The following EMC3 variants were observed in gnomAD, a reference collection of about 807,000 sequenced individuals.
EMC3 encodes the protein 30 kDa protein.
EMC3 carries 13 observed loss-of-function variants against 36.6 expected under a neutral mutation model. The ratio of observed to expected loss-of-function variants is 0.35; its 90% CI spans 0.23 to 0.56. The LOEUF is 0.56. EMC3 is among the 20% of genes least tolerant of loss of function. The pLI, the probability that EMC3 is intolerant of heterozygous loss-of-function variation, is 0.84. For synonymous variants in EMC3, 120 were observed against 111.9 expected, an observed-to-expected ratio of 1.07 and a Z score of -0.46; for missense variants, 220 against 324.5, an observed-to-expected ratio of 0.68 and a Z score of 2.47.
At position 9,986,709 on chromosome 3, in the gene EMC3, T is replaced by C. The variant is rs373153918; in HGVS notation, c.-48A>G. 28 of 1,607,404 alleles carry C rather than the reference T, an allele frequency of 1.7e-5. No homozygotes were observed. The African/African-American group carries it at 3.3e-4, about 19-fold the overall frequency. On this transcript the variant is annotated 5_prime_UTR_variant, in exon 1 of 8. Coordinates refer to ENST00000245046, the MANE Select transcript of EMC3 (RefSeq NM_001394674.1). ...GTCTGGAATGGGCGAGCTTCTCTTCTCCGGGGCACAGTTGCTTCTCTTCGG... is the reference window on the plus strand; with the variant it reads ...GTCTGGAATGGGCGAGCTTCTCTTCCCCGGGGCACAGTTGCTTCTCTTCGG...
intron 1 of EMC3, among the ~76,000 whole-genome samples, chr3:9,982,314 G>A (rs1372466838): frequency 1.3e-5 from 2 of 151,838 alleles, no homozygotes; most frequent in African/African-American, 4.8e-5. Context: ...GAGTACAGTG[G>A]CATGATCTCG....
At chr3:9,999,256 T>C (rs553004694) in intron 1 of EMC3, among the ~76,000 whole-genome samples, 1 of 152,128 alleles carries the variant, frequency 6.6e-6, no homozygotes, top group South Asian at 2.1e-4. Context: ...TTTTTTTTTT[T>C]TTTGGAGATG....
At chr3:9,988,371 A>G (rs528643407), upstream of EMC3, 29 of 1,177,954 alleles carry the variant, frequency 2.5e-5, no homozygotes, top group Admixed American at 6.8e-5. Context: ...GCTACTTGTA[A>G]TTCCTCAGGA....
intron 5 of EMC3, among the ~76,000 whole-genome samples, chr3:9,972,028 G>T (rs1430759991): frequency 6.6e-6 from 1 of 152,030 alleles, no homozygotes; most frequent in Admixed American, 6.6e-5. Flanking sequence ...AAAAAATAGT[G>T]GTATTCAGAA....
upstream of EMC3, among the ~76,000 whole-genome samples, chr3:9,990,090 T>C: frequency 6.6e-6 from 1 of 151,080 alleles, no homozygotes; most frequent in East Asian, 2.0e-4. Context: ...AGTGGCGCAA[T>C]CTCAGCTCAC....
At chr3:10,008,405 T>G in intron 1 of EMC3, 1 of 1,367,610 alleles carries the variant, frequency 7.3e-7, no homozygotes, top group South Asian at 1.1e-5. Context: ...AGTGTCTACC[T>G]GGGCCGGCAT....
At chr3:9,981,194 A>G (rs13100734) in intron 1 of EMC3, among the ~76,000 whole-genome samples, 37,714 of 152,142 alleles carry the variant, frequency 0.25, 5,860 homozygotes, top group African/African-American at 0.43. Flanking sequence ...CTGCAGCCTC[A>G]ACCTCTTTAG....
At chr3:9,987,473 C>T (rs981368878), upstream of EMC3, among the ~76,000 whole-genome samples, 1 of 152,128 alleles carries the variant, frequency 6.6e-6, no homozygotes, top group African/African-American at 2.4e-5. Context: ...ACCCTCACCC[C>T]CTTCCCGATG....
At chr3:9,984,375 C>T (rs1189327017) in intron 1 of EMC3, among the ~76,000 whole-genome samples, 8 of 151,882 alleles carry the variant, frequency 5.3e-5, no homozygotes, top group East Asian at 3.9e-4. Flanking sequence ...CCACCACACC[C>T]GGCCAGTAAG....
chr3:10,001,824 C>T (rs375761090), intron 1 of EMC3, among the ~76,000 whole-genome samples: 4 of 151,892 alleles, frequency 2.6e-5, no homozygotes, highest in African/African-American at 9.7e-5. Flanking sequence ...GATGAAACCC[C>T]ATCTCTACTG....
chr3:9,968,464 T>A (rs1214589651), intron 7 of EMC3, among the ~76,000 whole-genome samples: 1 of 152,220 alleles, frequency 6.6e-6, no homozygotes, highest in Non-Finnish European at 1.5e-5. Flanking sequence ...ATGGCTTTTT[T>A]ATTTCTTTTT....
At chr3:9,966,292 C>T (rs945972823) in intron 7 of EMC3, among the ~76,000 whole-genome samples, 12 of 150,146 alleles carry the variant, frequency 8.0e-5, no homozygotes, top group East Asian at 7.9e-4. Flanking sequence ...GCGCAATCTC[C>T]GCTCACTGCA....
intron 5 of EMC3, among the ~76,000 whole-genome samples, chr3:9,972,153 A>G (rs1480050705): frequency 6.6e-6 from 1 of 152,110 alleles, no homozygotes; most frequent in Admixed American, 6.6e-5. Context: ...GGTTGCTATG[A>G]GGGTAAAATA....
chr3:10,003,152 C>G (rs1445199702), intron 1 of EMC3: 2 of 456,566 alleles, frequency 4.4e-6, no homozygotes, highest in African/African-American at 4.0e-5. Flanking sequence ...CACCCTGTGG[C>G]CTTCTCCACC....
chr3:10,008,456 CCAG>C, intron 1 of EMC3: 1 of 1,367,696 alleles, frequency 7.3e-7, no homozygotes, highest in South Asian at 1.1e-5. Flanking sequence ...CCCTTTGCTG[CCAG>C]CAGCCTCCAT....
chr3:9,986,889 G>A (rs953072232), upstream of EMC3: 4 of 1,336,156 alleles, frequency 3.0e-6, no homozygotes, highest in Non-Finnish European at 3.8e-6. Flanking sequence ...AGTGGCGTCA[G>A]AGCGGCGTCG....
At chr3:9,980,008 C>T (rs975634634) in intron 1 of EMC3, among the ~76,000 whole-genome samples, 19 of 149,360 alleles carry the variant, frequency 1.3e-4, no homozygotes, top group Non-Finnish European at 3.0e-5. Context: ...CATGTGGTCT[C>T]ACTGTATTTT....
upstream of EMC3, chr3:9,987,255 C>T: frequency 1.0e-6 from 1 of 983,418 alleles, no homozygotes; most frequent in Middle Eastern, 5.2e-4. Flanking sequence ...CAGGCGGGGA[C>T]GGCTTCTCGG....
At chr3:9,996,594 C>T (rs2086128156) in intron 1 of EMC3, among the ~76,000 whole-genome samples, 1 of 152,046 alleles carries the variant, frequency 6.6e-6, no homozygotes, top group Non-Finnish European at 1.5e-5. Context: ...TTTATCTTCC[C>T]CCCTGCCCTT....
Sources: allele counts gnomAD v4.1 joint callset (sites outside exome capture counted in the v4.1 genomes callset), GRCh38; gene constraint gnomAD v4.1.1; transcripts MANE v1.5; gene names NCBI Gene and HGNC (gene_info 2026-07-23, HGNC 2026-07-21).